Variants in ARHGEF4 observed in about 807,000 individuals in gnomAD.
ARHGEF4 encodes Rho guanine nucleotide exchange factor 4.
ARHGEF4 carries 119 observed loss-of-function variants against 162.0 expected under a neutral mutation model. That is an observed-to-expected ratio of 0.73 (90% confidence interval 0.63 to 0.86). The LOEUF (loss-of-function observed/expected upper bound fraction) is 0.86. Among genes scored for constraint, ARHGEF4 ranks in the 40% least tolerant of loss-of-function variants. ARHGEF4 has a pLI of 0.00. For synonymous variants in ARHGEF4, 1,014 were observed against 979.9 expected, an observed-to-expected ratio of 1.03 and a Z score of -0.65; for missense variants, 2,488 against 2,456.0, an observed-to-expected ratio of 1.01 and a Z score of -0.28.
chr2:130,909,584 T>A (rs1444071494), intron 1 of ARHGEF4, among the ~76,000 whole-genome samples: 1 of 152,112 alleles, frequency 6.6e-6, no homozygotes, highest in African/African-American at 2.4e-5. Flanking sequence ...TTCACAGATG[T>A]GTGTCAAAAC....
chr2:130,953,204 C>G (rs1299281850), intron 4 of ARHGEF4, among the ~76,000 whole-genome samples: 1 of 152,138 alleles, frequency 6.6e-6, no homozygotes, highest in Admixed American at 6.5e-5. Flanking sequence ...GGTACCAAAA[C>G]AGAGATATAG....
chr2:131,011,674 G>C, intron 4 of ARHGEF4: 1 of 1,534,708 alleles, frequency 6.5e-7, no homozygotes, highest in African/African-American at 1.4e-5. Context: ...GGAGCTGATG[G>C]GGGTGGGGTA....
At chr2:130,912,060 G>A (rs1477268734) in intron 1 of ARHGEF4, among the ~76,000 whole-genome samples, 2 of 152,242 alleles carry the variant, frequency 1.3e-5, no homozygotes, top group East Asian at 1.9e-4. Flanking sequence ...GGCTGCAAGC[G>A]CCCTGCAGGG....
At chr2:130,893,436 T>A (rs1559024220) in intron 1 of ARHGEF4, among the ~76,000 whole-genome samples, 1 of 152,176 alleles carries the variant, frequency 6.6e-6, no homozygotes, top group Non-Finnish European at 1.5e-5. Context: ...AATGAATCTT[T>A]GAATTATGGA....
chr2:130,845,488 G>A (rs1680897541), intron 1 of ARHGEF4, among the ~76,000 whole-genome samples: 1 of 151,560 alleles, frequency 6.6e-6, no homozygotes, highest in African/African-American at 2.4e-5. Context: ...TAGTAGAGAT[G>A]GGGTTTCACC....
chr2:131,006,923 G>T lies in ARHGEF4; in HGVS notation c.3986-21022G>T, dbSNP rs566927598. 2.6e-4 allele frequency among the ~76,000 whole-genome samples: 40 copies of T among 152,338 alleles called. No individual in the cohort carries two copies. In the South Asian group the frequency reaches 7.7e-3, roughly 29 times the overall value. On this transcript the variant is annotated intron_variant, in intron 4 of 13. Transcript: ENST00000409359. Reference sequence around the variant, plus strand: ...TCCTGCTGAACACAGTTGGGTACTTGTAAGGGATTGGGAGGTGGACTGTAG... The same window carrying T: ...TCCTGCTGAACACAGTTGGGTACTTTTAAGGGATTGGGAGGTGGACTGTAG...
In ARHGEF4 at chr2:130,917,088, C is replaced by T; in HGVS notation, c.3142C>T (p.Pro1048Ser). Residue 1048 changes from proline to serine, a missense_variant, in exon 2 of 14, where the codon CCG becomes TCG. Physicochemically the swap from Pro to Ser is moderately conservative, Grantham distance 74. Coordinates refer to ENST00000409359, the MANE Select transcript of ARHGEF4 (RefSeq NM_001367493.1). ...GGRYLPSGIF[P>S]EKSWLASPGS... is the part of the protein sequence containing the mutation. ...TAGGTACCTACCTTCAGGTATCTTT[C>T]CGGAAAAGTCCTGGCTGGCGTCCCC... The T allele has an allele frequency of 6.4e-7, 1 of 1,550,642 alleles. No individual in the cohort carries two copies.
chr2:130,972,853 T>C (rs973594879), intron 4 of ARHGEF4, among the ~76,000 whole-genome samples: 1 of 152,174 alleles, frequency 6.6e-6, no homozygotes, highest in African/African-American at 2.4e-5. Flanking sequence ...TAAACAAATA[T>C]GAGACAACAA....
At chr2:130,865,008 T>C (rs1682169351) in intron 1 of ARHGEF4, among the ~76,000 whole-genome samples, 1 of 152,198 alleles carries the variant, frequency 6.6e-6, no homozygotes, top group African/African-American at 2.4e-5. Context: ...TGAACGTTTT[T>C]GTTGTATGCA....
At position 130,916,560 on chromosome 2, in the gene ARHGEF4, G is replaced by C. The variant is rs1439561381; in HGVS notation, c.2614G>C (p.Ala872Pro). The part of the protein sequence containing the change: ...QAAGDRTAGP[A>P]GAGHTGTSGD... The stretch of plus-strand genomic sequence containing the variant: ...TGCAGGCGACAGGACTGCAGGGCCG[G>C]CAGGAGCGGGGCACACGGGGACCTC... Residue 872 changes from alanine to proline, a missense_variant, in exon 2 of 14, where the codon GCA becomes CCA. Ala to Pro is a conservative substitution (Grantham distance 27). This residue lies in a region of ARHGEF4 where 1,642 missense variants were observed against 1,481.5 expected (regional missense o/e 1.11). Transcript: ENST00000409359. 1 of 1,550,248 alleles carries C rather than the reference G, an allele frequency of 6.5e-7. No homozygotes were observed. Among genetic ancestry groups the C allele is most frequent in the East Asian group, 2.4e-5 (1 of 40,908 alleles).
chr2:131,016,870 C>T (rs569438261), intron 4 of ARHGEF4, among the ~76,000 whole-genome samples: 6 of 152,344 alleles, frequency 3.9e-5, no homozygotes, highest in African/African-American at 1.4e-4. Context: ...GAGGACATTC[C>T]TCCACCTCTC....
intron 4 of ARHGEF4, among the ~76,000 whole-genome samples, chr2:130,954,133 G>C (rs1684124912): frequency 6.6e-6 from 1 of 152,186 alleles, no homozygotes; most frequent in Non-Finnish European, 1.5e-5. Context: ...GTTCACAATA[G>C]CAAAGACTTG....
intron 1 of ARHGEF4, among the ~76,000 whole-genome samples, chr2:130,900,171 A>G (rs1407643636): frequency 1.3e-5 from 2 of 152,162 alleles, no homozygotes; most frequent in Non-Finnish European, 2.9e-5. Flanking sequence ...TTTCATGGAC[A>G]TTAAAAAAAA....
intron 4 of ARHGEF4, among the ~76,000 whole-genome samples, chr2:130,988,657 A>T (rs1268323868): frequency 6.6e-6 from 1 of 152,032 alleles, no homozygotes; most frequent in African/African-American, 2.4e-5. Flanking sequence ...CCCACTTAAT[A>T]ATATATTGTG....
intron 1 of ARHGEF4, among the ~76,000 whole-genome samples, chr2:130,868,003 G>A (rs1318306519): frequency 7.0e-6 from 1 of 142,082 alleles, no homozygotes; most frequent in Non-Finnish European, 1.5e-5. Context: ...TCGGCTCACT[G>A]CAAGCTCCGC....
chr2:130,965,985 A>T (rs942184899), intron 4 of ARHGEF4, among the ~76,000 whole-genome samples: 3 of 152,134 alleles, frequency 2.0e-5, no homozygotes, highest in South Asian at 4.1e-4. Context: ...TTAAAACAAC[A>T]TGATGTAGTC....
In ARHGEF4 at chr2:130,846,052, C is replaced by T. The variant is rs116377024; in HGVS notation, c.39+9060C>T. 3.3e-3 allele frequency among the ~76,000 whole-genome samples: 504 copies of T among 152,016 alleles called. 4 individuals carry two copies. Among genetic ancestry groups the T allele is most frequent in the African/African-American group, 0.012 (485 of 41,478 alleles). ...AGTTTATTGTGCGTCAGTTACACCT[C>T]GATCAAGCCAGGCCCACCTCGGCCA... On this transcript the variant is annotated intron_variant, in intron 1 of 13. Transcript: ENST00000409359.
intron 4 of ARHGEF4, among the ~76,000 whole-genome samples, chr2:130,963,206 A>C (rs1684738442): frequency 6.6e-6 from 1 of 152,122 alleles, no homozygotes; most frequent in Admixed American, 6.5e-5. Context: ...TTTGGCATGG[A>C]CTTTCCTCGG....
intron 1 of ARHGEF4, among the ~76,000 whole-genome samples, chr2:130,893,017 T>C (rs1159738269): frequency 6.6e-6 from 1 of 152,242 alleles, no homozygotes; most frequent in Non-Finnish European, 1.5e-5. Context: ...GGCTTGCAGG[T>C]TGAGGCCAGA....
Sources: allele counts gnomAD v4.1 joint callset (sites outside exome capture counted in the v4.1 genomes callset), GRCh38; gene constraint gnomAD v4.1.1; regional missense constraint gnomAD v4.1.1; transcripts MANE v1.5; gene names NCBI Gene and HGNC (gene_info 2026-07-23, HGNC 2026-07-21).